Variants in ADAMTS20 observed in about 807,000 individuals in gnomAD.
ADAMTS20 encodes the protein ADAM metallopeptidase with thrombospondin type 1 motif 20.
In ADAMTS20, 225 loss-of-function variants were observed where a neutral mutation model predicts 260.1. The observed-to-expected ratio is 0.87, with a 90% CI of 0.78 to 0.97. ADAMTS20 has a LOEUF of 0.97. Among genes scored for constraint, ADAMTS20 ranks in the 50% least tolerant of loss-of-function variants. The pLI, the probability that ADAMTS20 is intolerant of heterozygous loss-of-function variation, is 0.00. For missense variants in ADAMTS20, 2,400 were observed against 2,337.7 expected (o/e 1.03, Z -0.55); for synonymous variants, 802 against 769.5 (o/e 1.04, Z -0.70).
chr12:43,502,103 T>C (rs776854076), intron 4 of ADAMTS20, 49 bp downstream of exon 4: 6 of 1,466,480 alleles, frequency 4.1e-6, no homozygotes, highest in Non-Finnish European at 5.4e-6. Flanking sequence ...AAAAATTTCA[T>C]TAAGCTAAAC....
intron 3 of ADAMTS20, among the ~76,000 whole-genome samples, chr12:43,530,043 C>A (rs1020081379): frequency 2.6e-5 from 4 of 151,972 alleles, no homozygotes; most frequent in East Asian, 1.9e-4. Context: ...AAGGATACTA[C>A]CTTTTACATT....
chr12:43,399,065 C>T lies in ADAMTS20; in HGVS notation c.4452+1G>A. 6.7e-7 allele frequency: 1 copy of T among 1,501,958 alleles called. No homozygotes were observed. The highest frequency in any genetic ancestry group is 1.3e-5 in the South Asian group (1 of 74,664). 93.0% of individuals were successfully genotyped at this position (1,501,958 alleles called of 1,614,324 possible). ...ATAATTATAAAATATACATCATATA[C>T]CTCATTCCAGCTATTGGCTTTCCAT... On this transcript the variant is annotated splice_donor_variant, in intron 29 of 38. Transcript: ENST00000389420. LOFTEE classifies it high-confidence loss of function.
chr12:43,509,612 A>T (rs1942894614), intron 3 of ADAMTS20, among the ~76,000 whole-genome samples: 2 of 152,158 alleles, frequency 1.3e-5, no homozygotes, highest in Admixed American at 1.3e-4. Context: ...GTATAATAAC[A>T]TCACGTAAGA....
At chr12:43,409,342 C>T (rs1158227141) in intron 28 of ADAMTS20, among the ~76,000 whole-genome samples, 2 of 151,742 alleles carry the variant, frequency 1.3e-5, no homozygotes, top group African/African-American at 4.8e-5. Context: ...GTGGCTCACG[C>T]CTGTAATCAC....
At chr12:43,513,557 C>T (rs1321613173) in intron 3 of ADAMTS20, among the ~76,000 whole-genome samples, 1 of 152,164 alleles carries the variant, frequency 6.6e-6, no homozygotes, top group African/African-American at 2.4e-5. Context: ...CATTCTATTA[C>T]TGGGTATATA....
At chr12:43,375,621 G>C (rs1384891186) in intron 35 of ADAMTS20, 109 bp from the exon 36 acceptor site, 2 of 1,209,440 alleles carry the variant, frequency 1.7e-6, no homozygotes, top group Non-Finnish European at 2.3e-6. Flanking sequence ...TAATATTATA[G>C]TGTCAACAAG....
Position 43,542,038 on chromosome 12 carries a change from C to T in ADAMTS20, c.453+8871G>A, listed in dbSNP as rs892729712. Among the ~76,000 whole-genome samples the T allele has an allele frequency of 4.6e-5, 7 of 152,150 alleles. No individual in the cohort carries two copies. In the East Asian group the frequency reaches 1.4e-3, roughly 29 times the overall value. Reference sequence around the variant, plus strand: ...CACAAGTTCAAATAGTGTGCCCCAGCAGCCTTCATAACATGGAGCAAATTC... The same window carrying T: ...CACAAGTTCAAATAGTGTGCCCCAGTAGCCTTCATAACATGGAGCAAATTC... On this transcript the variant is annotated intron_variant, in intron 2 of 38. Coordinates refer to ENST00000389420, the MANE Select transcript of ADAMTS20 (RefSeq NM_025003.5).
intron 3 of ADAMTS20, among the ~76,000 whole-genome samples, chr12:43,518,654 A>G (rs1565579668): frequency 1.3e-5 from 2 of 151,946 alleles, no homozygotes; most frequent in African/African-American, 2.4e-5. Flanking sequence ...CTGATGTTCC[A>G]GTTCACTTAC....
chr12:43,446,704 A>G lies in ADAMTS20; in HGVS notation c.2088T>C (p.Gly696=), dbSNP rs770278266. Residue 696 remains glycine (G), a synonymous_variant, in exon 15 of 39, where the codon GGT becomes GGC. Coordinates refer to ENST00000389420, the MANE Select transcript of ADAMTS20 (RefSeq NM_025003.5). ...CACTGGAGTTTAACACGTGATCACA[A>G]CCAGCTGCCTTCAAGACACAATTAC... is the stretch of plus-strand genomic sequence containing the variant. ...ICVQGQCMAA[G]CDHVLNSSAK... 5 of 1,612,634 alleles carry G rather than the reference A, an allele frequency of 3.1e-6. No homozygotes were observed. Among genetic ancestry groups the G allele is most frequent in the Non-Finnish European group, 4.2e-6 (5 of 1,179,046 alleles).
At chr12:43,524,909 T>C (rs75729896) in intron 3 of ADAMTS20, among the ~76,000 whole-genome samples, 1,533 of 152,274 alleles carry the variant, frequency 0.01, 33 homozygotes, top group African/African-American at 0.034. Flanking sequence ...TAAGAATAAA[T>C]GGTGTTTATG....
intron 2 of ADAMTS20, among the ~76,000 whole-genome samples, chr12:43,548,514 T>G (rs1305820740): frequency 6.8e-6 from 1 of 146,598 alleles, no homozygotes; most frequent in African/African-American, 2.4e-5. Context: ...ACAAATGGAT[T>G]CTAAAATCTA....
intron 37 of ADAMTS20, 142 bp downstream of exon 37, chr12:43,369,148 C>A (rs1029796097): frequency 8.7e-6 from 4 of 460,466 alleles, no homozygotes; most frequent in South Asian, 7.3e-5. Flanking sequence ...TTATCTATAA[C>A]CTTTGAAACA....
chr12:43,369,847 T>C (rs1280826906), intron 36 of ADAMTS20, among the ~76,000 whole-genome samples: 1 of 152,214 alleles, frequency 6.6e-6, no homozygotes, highest in East Asian at 1.9e-4. Context: ...ATTTTCTTTT[T>C]TTCGTGTCTT....
chr12:43,483,417 AGTCAGG>A (rs1300612576), intron 7 of ADAMTS20, among the ~76,000 whole-genome samples: 5 of 152,154 alleles, frequency 3.3e-5, no homozygotes, highest in Admixed American at 6.5e-5. Flanking sequence ...TGAGCTCAAG[AGTCAGG>A]CAGCCCTGGT....
chr12:43,411,201 C>T (rs1941024722), intron 28 of ADAMTS20, among the ~76,000 whole-genome samples: 1 of 152,178 alleles, frequency 6.6e-6, no homozygotes, highest in African/African-American at 2.4e-5. Flanking sequence ...AGGGATTCTG[C>T]TATCCTTTAG....
intron 7 of ADAMTS20, among the ~76,000 whole-genome samples, chr12:43,471,828 C>G (rs1479575992): frequency 7.3e-6 from 1 of 136,572 alleles, no homozygotes; most frequent in Non-Finnish European, 1.6e-5. Flanking sequence ...CACCGAAAAC[C>G]CATCTGTACA....
chr12:43,388,360 C>T (rs920525075), intron 29 of ADAMTS20, among the ~76,000 whole-genome samples: 2 of 152,178 alleles, frequency 1.3e-5, no homozygotes, highest in Non-Finnish European at 1.5e-5. Flanking sequence ...GTGGGCTGTA[C>T]CCACTGTCTA....
intron 3 of ADAMTS20, among the ~76,000 whole-genome samples, chr12:43,514,321 T>C (rs1426759050): frequency 1.3e-5 from 2 of 151,516 alleles, no homozygotes; most frequent in African/African-American, 4.8e-5. Context: ...TCCCAGCACT[T>C]TGGGAGGCCG....
intron 3 of ADAMTS20, among the ~76,000 whole-genome samples, chr12:43,530,061 A>G (rs1338791109): frequency 6.6e-6 from 1 of 152,144 alleles, no homozygotes; most frequent in African/African-American, 2.4e-5. Flanking sequence ...ATTTTGTTAG[A>G]TAAATATTGT....
Sources: gnomAD v4.1 joint callset for allele counts (sites outside exome capture counted in the v4.1 genomes callset) on GRCh38, gnomAD v4.1.1 for gene constraint, MANE v1.5 for transcripts, NCBI Gene and HGNC (gene_info 2026-07-23, HGNC 2026-07-21) for gene names.